RARB: variants seen among roughly 807,000 people sequenced by gnomAD.
The protein encoded by RARB is retinoic acid receptor beta, also known as HBV-activated protein.
RARB carries 17 observed loss-of-function variants against 51.9 expected under a neutral mutation model. The ratio of observed to expected loss-of-function variants is 0.33; its 90% CI spans 0.22 to 0.49. The LOEUF (loss-of-function observed/expected upper bound fraction) is 0.49. Ranked by LOEUF, RARB falls within the 20% of genes least tolerant of loss-of-function variation. The probability of loss-of-function intolerance (pLI) is 0.99; values close to 1 mark genes in which losing one functional copy is unlikely to be tolerated. For synonymous variants in RARB, 215 were observed against 195.4 expected, an observed-to-expected ratio of 1.10 and a Z score of -0.84; for missense variants, 369 against 550.8, an observed-to-expected ratio of 0.67 and a Z score of 3.30.
chr3:25,086,055 G>T (rs1699098750), intron 3 of RARB, among the ~76,000 whole-genome samples: 1 of 152,108 alleles, frequency 6.6e-6, no homozygotes, highest in African/African-American at 2.4e-5. Context: ...ATTAGTTAAT[G>T]TGGTCACTAT....
intron 3 of RARB, among the ~76,000 whole-genome samples, chr3:25,509,107 AC>A (rs1697755660): frequency 1.3e-5 from 2 of 152,148 alleles, no homozygotes; most frequent in Admixed American, 1.3e-4. Context: ...ACACAATAGA[AC>A]AGCACAGGGC....
intron 3 of RARB, among the ~76,000 whole-genome samples, chr3:25,130,924 T>TTATTGATAATATTATCAATAG (rs1699938748): frequency 5.0e-5 from 1 of 19,888 alleles, no homozygotes; most frequent in Non-Finnish European, 1.1e-4. Context: ...ATTATCAATA[T>TTATTGATAATATTATCAATAG]TTATCATTGA....
At chr3:25,332,181 C>CA (rs1559360628) in intron 5 of RARB, among the ~76,000 whole-genome samples, 1 of 152,126 alleles carries the variant, frequency 6.6e-6, no homozygotes, top group Non-Finnish European at 1.5e-5. Context: ...TTTATGAGGC[C>CA]AGCATCATCC....
intron 5 of RARB, among the ~76,000 whole-genome samples, chr3:25,179,209 CT>C (rs555178647): frequency 6.6e-6 from 1 of 152,086 alleles, no homozygotes; most frequent in Non-Finnish European, 1.5e-5. Flanking sequence ...CTAAGAAGAG[CT>C]TTGTTACCTA....
intron 5 of RARB, among the ~76,000 whole-genome samples, chr3:25,280,814 C>T (rs899607387): frequency 1.3e-5 from 2 of 152,108 alleles, no homozygotes; most frequent in Non-Finnish European, 2.9e-5. Flanking sequence ...CTTGCTTAAT[C>T]AACCAAGGAC....
intron 5 of RARB, among the ~76,000 whole-genome samples, chr3:25,385,375 T>C (rs1706762288): frequency 6.6e-6 from 1 of 152,156 alleles, no homozygotes; most frequent in African/African-American, 2.4e-5. Context: ...ACCCATCAGC[T>C]CAGCTAAAGA....
chr3:25,104,449 C>T (rs1214836925), intron 3 of RARB, among the ~76,000 whole-genome samples: 1 of 151,974 alleles, frequency 6.6e-6, no homozygotes, highest in African/African-American at 2.4e-5. Flanking sequence ...TGAGACAAGC[C>T]TGGGCAACAT....
intron 2 of RARB, among the ~76,000 whole-genome samples, chr3:24,913,399 T>C (rs1379886933): frequency 3.0e-5 from 4 of 131,500 alleles, no homozygotes; most frequent in Non-Finnish European, 6.4e-5. Flanking sequence ...TCTCTCTCTC[T>C]CTCTTTTTTT....
At chr3:24,945,817 A>G (rs1236044219) in intron 2 of RARB, among the ~76,000 whole-genome samples, 1 of 152,210 alleles carries the variant, frequency 6.6e-6, no homozygotes, top group East Asian at 1.9e-4. Flanking sequence ...TCAGTGAGGC[A>G]TCCACAGGGC....
At chr3:25,353,106 T>G (rs541140259) in intron 5 of RARB, among the ~76,000 whole-genome samples, 6 of 152,296 alleles carry the variant, frequency 3.9e-5, no homozygotes, top group Non-Finnish European at 5.9e-5. Context: ...TGGAGATGTT[T>G]TCATCATCAA....
chr3:25,206,889 C>G (rs1701563275), intron 5 of RARB, among the ~76,000 whole-genome samples: 1 of 152,158 alleles, frequency 6.6e-6, no homozygotes, highest in Admixed American at 6.5e-5. Flanking sequence ...TAGTGCCTCT[C>G]CAGTTGTCAG....
At chr3:25,493,064 G>T (rs1386081600) in intron 2 of RARB, among the ~76,000 whole-genome samples, 1 of 151,674 alleles carries the variant, frequency 6.6e-6, no homozygotes, top group African/African-American at 2.4e-5. Context: ...TTGGAGTATG[G>T]ATTTGTGGTC....
intron 5 of RARB, among the ~76,000 whole-genome samples, chr3:25,207,799 G>A (rs1264698071): frequency 6.6e-6 from 1 of 152,196 alleles, no homozygotes; most frequent in Non-Finnish European, 1.5e-5. Context: ...GATAGAATGT[G>A]TGTTAGGCTG....
intron 3 of RARB, among the ~76,000 whole-genome samples, chr3:25,093,822 C>T (rs1441223108): frequency 6.6e-6 from 1 of 152,134 alleles, no homozygotes; most frequent in Non-Finnish European, 1.5e-5. Flanking sequence ...CCTATGATTG[C>T]ACACCCAACC....
intron 5 of RARB, among the ~76,000 whole-genome samples, chr3:25,249,199 C>G (rs1034051207): frequency 6.6e-6 from 1 of 151,846 alleles, no homozygotes; most frequent in Non-Finnish European, 1.5e-5. Flanking sequence ...ATTCTTTTTT[C>G]TCCTTGATCT....
At chr3:25,017,535 C>T (rs1041452377) in intron 2 of RARB, among the ~76,000 whole-genome samples, 7 of 152,152 alleles carry the variant, frequency 4.6e-5, no homozygotes, top group Non-Finnish European at 7.3e-5. Flanking sequence ...GGAAGCAGTA[C>T]ACCTAATAAC....
chr3:25,317,255 G>A (rs1360695739), intron 5 of RARB, among the ~76,000 whole-genome samples: 2 of 152,084 alleles, frequency 1.3e-5, no homozygotes, highest in East Asian at 1.9e-4. Context: ...TGGATCATTG[G>A]CTGATGACTA....
rs137990728 is a variant in RARB at position 25,364,322 on chromosome 3, C to A, written c.179-96871C>A. ...ACTCATGAGGGAATTGGGGTTACTCCAAAAAAAATGGAGGTGGTAAGCAAT... is the reference window on the plus strand; with the variant it reads ...ACTCATGAGGGAATTGGGGTTACTCAAAAAAAAATGGAGGTGGTAAGCAAT... On this transcript the variant is annotated intron_variant, in intron 5 of 11. Coordinates refer to the RARB transcript ENST00000383772. 2.8e-3 allele frequency among the ~76,000 whole-genome samples: 419 copies of A among 151,674 alleles called. 3 individuals are homozygous for A. The highest frequency in any genetic ancestry group is 3.5e-3 in the South Asian group (17 of 4,814).
At chr3:24,989,842 G>A (rs1414324119) in intron 2 of RARB, among the ~76,000 whole-genome samples, 3 of 76,070 alleles carry the variant, frequency 3.9e-5, no homozygotes, top group Admixed American at 2.1e-4. Context: ...GCCCAGGCTG[G>A]ACTGCGGACT....
Sources: allele counts gnomAD v4.1 joint callset (sites outside exome capture counted in the v4.1 genomes callset), GRCh38; gene constraint gnomAD v4.1.1; transcripts MANE v1.5; gene names NCBI Gene and HGNC (gene_info 2026-07-23, HGNC 2026-07-21).